Variants in CHRM3 observed in about 807,000 individuals in gnomAD.
The protein encoded by CHRM3 is muscarinic acetylcholine receptor M3.
A neutral mutation model predicts 41.8 loss-of-function variants in CHRM3; 11 were observed. The ratio of observed to expected loss-of-function variants is 0.26; its 90% CI spans 0.17 to 0.44. CHRM3 has a LOEUF of 0.44. CHRM3 is among the 20% of genes least tolerant of loss of function. CHRM3 has a pLI of 1.00. For synonymous variants in CHRM3, 297 were observed against 301.4 expected (o/e 0.99, Z 0.15); for missense variants, 571 against 745.4 (o/e 0.77, Z 2.72).
intron 2 of CHRM3, among the ~76,000 whole-genome samples, chr1:239,540,474 A>G (rs1435177498): frequency 1.3e-5 from 2 of 152,208 alleles, no homozygotes; most frequent in East Asian, 3.8e-4. Context: ...AAACAACAGT[A>G]ATTTATTATC....
At chr1:239,749,997 A>G (rs1665677799) in intron 5 of CHRM3, among the ~76,000 whole-genome samples, 1 of 152,194 alleles carries the variant, frequency 6.6e-6, no homozygotes, top group African/African-American at 2.4e-5. Flanking sequence ...TTGTTTAAGG[A>G]ATAATTATTC....
At chr1:239,528,316 C>T (rs1465819415) in intron 2 of CHRM3, among the ~76,000 whole-genome samples, 1 of 152,122 alleles carries the variant, frequency 6.6e-6, no homozygotes, top group Non-Finnish European at 1.5e-5. Flanking sequence ...TGTTGATCAG[C>T]AAGAGACTTG....
chr1:239,799,149 T>A (rs1670012337), intron 5 of CHRM3, among the ~76,000 whole-genome samples: 1 of 151,928 alleles, frequency 6.6e-6, no homozygotes, highest in South Asian at 2.1e-4. Flanking sequence ...AAAGAGAAAA[T>A]TGTTTCAAAT....
In CHRM3 at chr1:239,676,329, A is replaced by C. The variant is rs149466294; in HGVS notation, c.-249-1857A>C. ...TTTCTGTAGTTGCTGGACAGTACAA[A>C]GTAGCCTGCCATGCCTGCCATGTGT... On this transcript the variant is annotated intron_variant, in intron 4 of 6. Transcript: ENST00000676153. Among the ~76,000 whole-genome samples the C allele has an allele frequency of 6.8e-3, 1,031 of 151,822 alleles. 15 individuals are homozygous for C. Among genetic ancestry groups the C allele is most frequent in the African/African-American group, 0.024 (1,001 of 41,404 alleles).
rs968916127 is a variant in CHRM3 at position 239,914,397 on chromosome 1, A to T, written c.*5173A>T. ...AACATTCTGTGCACATCAATGTCCC[A>T]TGCTGCTACTGTAGTCAGGAGTTAT... On this transcript the variant is annotated 3_prime_UTR_variant, in exon 7 of 7. Transcript: ENST00000676153. 1.2e-5 allele frequency: 2 copies of T among 167,094 alleles called. No homozygotes were observed. Among genetic ancestry groups the T allele is most frequent in the African/African-American group, 4.8e-5 (2 of 41,454 alleles). The allele number at this position is 167,094 out of a possible 1,614,324, so 10.4% of individuals were successfully genotyped here.
intron 1 of CHRM3, among the ~76,000 whole-genome samples, chr1:239,414,146 G>T (rs1213892005): frequency 6.6e-6 from 1 of 152,164 alleles, no homozygotes; most frequent in Non-Finnish European, 1.5e-5. Flanking sequence ...ATGTGTTTGT[G>T]TCTGAATGTT....
At chr1:239,522,634 G>T (rs1017033233) in intron 2 of CHRM3, among the ~76,000 whole-genome samples, 2 of 152,166 alleles carry the variant, frequency 1.3e-5, no homozygotes, top group African/African-American at 4.8e-5. Flanking sequence ...TTTTGTGCAT[G>T]TGGAGAAATG....
intron 1 of CHRM3, among the ~76,000 whole-genome samples, chr1:239,412,951 A>T (rs61182975): frequency 5.9e-5 from 9 of 151,446 alleles, no homozygotes; most frequent in Non-Finnish European, 1.0e-4. Flanking sequence ...GGTGGCGCAC[A>T]TCTATAATCC....
chr1:239,752,124 T>G (rs1665880709), intron 5 of CHRM3, among the ~76,000 whole-genome samples: 1 of 152,180 alleles, frequency 6.6e-6, no homozygotes, highest in Admixed American at 6.5e-5. Context: ...TCACTCTAAT[T>G]AGTATCATTG....
At chr1:239,648,436 T>A (rs1168052701) in intron 4 of CHRM3, among the ~76,000 whole-genome samples, 1 of 152,000 alleles carries the variant, frequency 6.6e-6, no homozygotes, top group African/African-American at 2.4e-5. Context: ...GATCTGTAGG[T>A]GGTTTTGAGA....
chr1:239,480,305 CAAAG>C (rs1318488048), intron 1 of CHRM3, among the ~76,000 whole-genome samples: 2 of 152,070 alleles, frequency 1.3e-5, no homozygotes, highest in South Asian at 2.1e-4. Context: ...TAGGTAAAAA[CAAAG>C]AACTTTTTTT....
At chr1:239,414,044 C>T (rs561577300) in intron 1 of CHRM3, among the ~76,000 whole-genome samples, 1 of 152,162 alleles carries the variant, frequency 6.6e-6, no homozygotes, top group Non-Finnish European at 1.5e-5. Context: ...TTCGCTAGGC[C>T]CTTGTCGTTT....
chr1:239,428,556 T>C (rs1464030433), intron 1 of CHRM3, among the ~76,000 whole-genome samples: 6 of 152,226 alleles, frequency 3.9e-5, no homozygotes, highest in African/African-American at 7.2e-5. Flanking sequence ...TACATGTTTG[T>C]TGAATAAAAC....
chr1:239,597,958 C>A lies in CHRM3; in HGVS notation c.-312-34266C>A, dbSNP rs988409822. ...GCAGTTCAGTGGCATTGTCTGGGGA[C>A]AAGGCAAGAGTTCAGAGGAAGTTCT... On this transcript the variant is annotated intron_variant, in intron 3 of 6. Coordinates refer to ENST00000676153, the MANE Select transcript of CHRM3 (RefSeq NM_001375978.1). Among the ~76,000 whole-genome samples, 9 of 147,634 alleles carry A rather than the reference C, an allele frequency of 6.1e-5. 2 individuals are homozygous for A. The highest frequency in any genetic ancestry group is 5.6e-4 in the Admixed American group (8 of 14,322).
intron 5 of CHRM3, among the ~76,000 whole-genome samples, chr1:239,755,804 C>A (rs904055698): frequency 1.3e-5 from 2 of 152,110 alleles, no homozygotes; most frequent in African/African-American, 4.8e-5. Context: ...TTACAAGCTT[C>A]CTCTCAAATT....
intron 1 of CHRM3, among the ~76,000 whole-genome samples, chr1:239,478,045 A>G (rs1201271266): frequency 6.6e-6 from 1 of 152,180 alleles, no homozygotes; most frequent in Non-Finnish European, 1.5e-5. Context: ...AGTGACTTTA[A>G]GAGCTCATAG....
rs67460907 is a variant in CHRM3 at position 239,793,803 on chromosome 1, A to ATTTTTTTTTT, written c.-146-33433_-146-33424dup. Among the ~76,000 whole-genome samples, 87 of 69,496 alleles carry ATTTTTTTTTT rather than the reference A, an allele frequency of 1.3e-3. 9 individuals are homozygous for ATTTTTTTTTT. The highest frequency in any genetic ancestry group is 2.8e-3 in the African/African-American group (45 of 16,148). 45.6% of individuals were successfully genotyped at this position (69,496 alleles called of 152,430 possible). On this transcript the variant is annotated intron_variant, in intron 5 of 6. Coordinates refer to ENST00000676153, the MANE Select transcript of CHRM3 (RefSeq NM_001375978.1). ...TGAACTTGTCAGAAATGAAATGTGT[A>ATTTTTTTTTT]TTTTTTTTTTTTTTTTTTTTTTTTT... is the stretch of plus-strand genomic sequence containing the variant.
chr1:239,444,741 T>C (rs191153550), intron 1 of CHRM3, among the ~76,000 whole-genome samples: 2 of 152,132 alleles, frequency 1.3e-5, no homozygotes, highest in Admixed American at 1.3e-4. Context: ...AGATACAAAA[T>C]ATACGAGATG....
intron 2 of CHRM3, among the ~76,000 whole-genome samples, chr1:239,499,618 C>T (rs567824871): frequency 2.8e-4 from 43 of 152,012 alleles, no homozygotes; most frequent in Non-Finnish European, 5.9e-5. Flanking sequence ...GCCACCAACA[C>T]GACCATCAGG....
Sources: allele counts gnomAD v4.1 joint callset (sites outside exome capture counted in the v4.1 genomes callset), GRCh38; gene constraint gnomAD v4.1.1; transcripts MANE v1.5; gene names NCBI Gene and HGNC (gene_info 2026-07-23, HGNC 2026-07-21).